The following BLMH variants were observed in gnomAD, a reference collection of about 807,000 sequenced individuals.
The protein encoded by BLMH is bleomycin hydrolase.
BLMH carries 32 observed loss-of-function variants against 61.6 expected under a neutral mutation model. The observed-to-expected ratio is 0.52, with a 90% CI of 0.39 to 0.70. BLMH has a LOEUF of 0.70. Ranked by LOEUF, BLMH falls within the 30% of genes least tolerant of loss-of-function variation. The pLI is 0.00. For synonymous variants in BLMH, 183 were observed against 193.8 expected (o/e 0.94, Z 0.46); for missense variants, 460 against 555.5 (o/e 0.83, Z 1.73).
chr17:30,260,840 A>T (rs1253615575), intron 11 of BLMH, among the ~76,000 whole-genome samples: 1 of 152,084 alleles, frequency 6.6e-6, no homozygotes, highest in Non-Finnish European at 1.5e-5. Context: ...CCAAGACCGC[A>T]CCACTGCACT....
chr17:30,281,393 T>C (rs991074630), intron 6 of BLMH, among the ~76,000 whole-genome samples: 3 of 152,014 alleles, frequency 2.0e-5, no homozygotes, highest in East Asian at 3.8e-4. Flanking sequence ...AGGTGATTCA[T>C]GTGCACATTA....
chr17:30,274,771 C>A (rs1183047262), intron 6 of BLMH, among the ~76,000 whole-genome samples: 1 of 151,908 alleles, frequency 6.6e-6, no homozygotes, highest in Non-Finnish European at 1.5e-5. Context: ...CCCTTGAACC[C>A]AGGAGTTCAA....
rs1306069443 is a variant in BLMH, at chr17:30,289,394, A to G, written c.300T>C (p.Ser100=). ...LNIEEFEFSQ[S]YLFFWDKVER... is the part of the protein sequence containing the mutation. ...ATACCTTGTCCCAAAAAAACAGGTA[A>G]GATTGGCTAAACTCAAATTCTTCAA... is the stretch of plus-strand genomic sequence containing the variant. The change falls in exon 3 of 12, where the codon TCT becomes TCC. Residue 100 remains serine, a synonymous_variant. Coordinates refer to ENST00000261714, the MANE Select transcript of BLMH (RefSeq NM_000386.4). 1 of 1,609,038 alleles carries G rather than the reference A, an allele frequency of 6.2e-7. No individual in the cohort carries two copies. The highest frequency in any genetic ancestry group is 1.7e-5 in the Admixed American group (1 of 59,876).
rs555377724 is a variant in BLMH at position 30,286,745 on chromosome 17, C to T, written c.552+69G>A. 33 of 1,106,462 alleles carry T rather than the reference C, an allele frequency of 3.0e-5. No homozygotes were observed. The East Asian group carries it at 6.2e-4, about 21-fold the overall frequency. The allele number at this position is 1,106,462 out of a possible 1,614,324, so 68.5% of individuals were successfully genotyped here. A position where few individuals can be genotyped will look rare whatever the true frequency, so the allele number is the denominator to read the frequency against. Reference sequence around the variant, plus strand: ...AACTGTATACAGAGATACCCAGGAACCCCTTTTAAAAAATAAGTTTGAAGG... The same window carrying T: ...AACTGTATACAGAGATACCCAGGAATCCCTTTTAAAAAATAAGTTTGAAGG... On this transcript the variant is annotated intron_variant, in intron 5 of 11. Transcript: ENST00000261714.
chr17:30,254,340 A>G (rs1042432884), intron 11 of BLMH, among the ~76,000 whole-genome samples: 2 of 152,192 alleles, frequency 1.3e-5, no homozygotes, highest in African/African-American at 4.8e-5. Context: ...GTCACTGCCA[A>G]TCTTTCACCT....
At chr17:30,251,437 G>A (rs1196683185) in intron 11 of BLMH, among the ~76,000 whole-genome samples, 1 of 152,244 alleles carries the variant, frequency 6.6e-6, no homozygotes, top group Non-Finnish European at 1.5e-5. Context: ...ACTGAATCAA[G>A]AGAAAGGCAG....
intron 11 of BLMH, among the ~76,000 whole-genome samples, chr17:30,250,833 A>C (rs113025530): frequency 6.6e-6 from 1 of 152,174 alleles, no homozygotes; most frequent in African/African-American, 2.4e-5. Context: ...GAACCAACCT[A>C]AGTGCCCATC....
chr17:30,255,110 G>A (rs900772544), intron 11 of BLMH, among the ~76,000 whole-genome samples: 5 of 152,080 alleles, frequency 3.3e-5, no homozygotes, highest in African/African-American at 7.2e-5. Flanking sequence ...GTAAATCTTC[G>A]TGCACAGCCT....
At chr17:30,291,138 C>T in intron 2 of BLMH, 173 bp downstream of exon 2, 1 of 787,402 alleles carries the variant, frequency 1.3e-6, no homozygotes, top group African/African-American at 1.7e-5. Flanking sequence ...CACAGAACAG[C>T]AAAACAAACC....
intron 4 of BLMH, among the ~76,000 whole-genome samples, chr17:30,287,469 A>C (rs1908764845): frequency 6.6e-6 from 1 of 152,240 alleles, no homozygotes; most frequent in African/African-American, 2.4e-5. Flanking sequence ...GATTTCCCCA[A>C]AAGATGTTTT....
intron 6 of BLMH, among the ~76,000 whole-genome samples, chr17:30,278,001 T>C (rs184857862): frequency 2.6e-5 from 4 of 152,318 alleles, no homozygotes; most frequent in African/African-American, 7.2e-5. Flanking sequence ...TTGTTTACCA[T>C]GACTATAAAT....
At chr17:30,254,053 A>G (rs1907747718) in intron 11 of BLMH, among the ~76,000 whole-genome samples, 1 of 152,232 alleles carries the variant, frequency 6.6e-6, no homozygotes, top group Non-Finnish European at 1.5e-5. Context: ...TTACCTAAGA[A>G]AACTTTTTTT....
intron 10 of BLMH, among the ~76,000 whole-genome samples, chr17:30,268,699 CAA>C (rs1257310097): frequency 6.6e-6 from 1 of 150,924 alleles, no homozygotes; most frequent in East Asian, 1.9e-4. Flanking sequence ...TTGGAAATTA[CAA>C]GTTTTTGTTT....
chr17:30,267,017 T>C (rs1908131479), intron 10 of BLMH, 63 bp from the exon 11 acceptor site: 2 of 1,500,534 alleles, frequency 1.3e-6, no homozygotes, highest in Non-Finnish European at 1.9e-6. Context: ...AGGTGTCATA[T>C]AATTTTAGCT....
At chr17:30,269,727 AGCTC>A (rs1908213253) in intron 10 of BLMH, among the ~76,000 whole-genome samples, 1 of 152,176 alleles carries the variant, frequency 6.6e-6, no homozygotes, top group Non-Finnish European at 1.5e-5. Flanking sequence ...TGAGGAAAAC[AGCTC>A]GCTGGTTTAC....
rs1462809529 is a variant in BLMH at position 30,286,929 on chromosome 17, A to G, written c.464-27T>C. The G allele has an allele frequency of 3.5e-6, 5 of 1,446,140 alleles. No homozygotes were observed. The East Asian group carries it at 1.1e-4, about 33-fold the overall frequency. 89.6% of individuals were successfully genotyped at this position (1,446,140 alleles called of 1,614,324 possible). A position where few individuals can be genotyped will look rare whatever the true frequency, so the allele number is the denominator to read the frequency against. On this transcript the variant is annotated intron_variant, in intron 4 of 11. Coordinates refer to ENST00000261714, the MANE Select transcript of BLMH (RefSeq NM_000386.4). The stretch of plus-strand genomic sequence containing the variant: ...TAAAAGAAAACAAATTCTAGTGTTA[A>G]AGAAGGTAAAAAATTAGAAACCCTG...
At chr17:30,285,539 C>G (rs1908703612) in intron 5 of BLMH, 59 bp from the exon 6 acceptor site, 1 of 1,380,012 alleles carries the variant, frequency 7.2e-7, no homozygotes, top group Admixed American at 2.0e-5. Flanking sequence ...GTAAATGACT[C>G]TCATAGACCA....
chr17:30,279,480 G>A (rs185533580), intron 6 of BLMH, among the ~76,000 whole-genome samples: 209 of 152,270 alleles, frequency 1.4e-3, no homozygotes, highest in Middle Eastern at 3.4e-3. Context: ...ATTATATATA[G>A]TCCCTTTCTA....
In BLMH at chr17:30,290,540, G is replaced by A. The variant is rs114862279; in HGVS notation, c.211+771C>T. Among the ~76,000 whole-genome samples, 401 of 152,276 alleles carry A rather than the reference G, an allele frequency of 2.6e-3. 1 individual carries two copies. Among genetic ancestry groups the A allele is most frequent in the African/African-American group, 9.1e-3 (378 of 41,564 alleles). ...TGTACTCACGTTAAATGTGTGCTTT[G>A]TGAGTTCTAACCGACTCTAAACAAG... On this transcript the variant is annotated intron_variant, in intron 2 of 11. Transcript: ENST00000261714.
Sources: gnomAD v4.1 joint callset for allele counts (sites outside exome capture counted in the v4.1 genomes callset) on GRCh38, gnomAD v4.1.1 for gene constraint, MANE v1.5 for transcripts, NCBI Gene and HGNC (gene_info 2026-07-23, HGNC 2026-07-21) for gene names.